Variants in OTOP2 observed in about 807,000 individuals in gnomAD.
OTOP2 encodes otopetrin 2.
Under a neutral mutation model 47.4 loss-of-function variants are expected in OTOP2, and 41 were observed. The ratio of observed to expected loss-of-function variants is 0.87; its 90% CI spans 0.67 to 1.12. The LOEUF is 1.12. OTOP2 is among the 50% of genes most tolerant of loss of function. OTOP2 has a pLI of 0.00. For missense variants in OTOP2, 721 were observed against 752.2 expected (o/e 0.96, Z 0.49); for synonymous variants, 328 against 319.6 (o/e 1.03, Z -0.28).
At position 74,930,772 on chromosome 17, in the gene OTOP2, G is replaced by C. The variant is rs756795074; in HGVS notation, c.1137G>C (p.Gln379His). 3 of 1,614,130 alleles carry C rather than the reference G, an allele frequency of 1.9e-6. No individual in the cohort carries two copies. The highest frequency in any genetic ancestry group is 1.7e-5 in the Admixed American group (1 of 60,024). Residue 379 changes from glutamine (Q) to histidine (H), a missense_variant, in exon 6 of 7, where the codon CAG (glutamine) becomes CAC (histidine). Physicochemically the swap from Gln to His is conservative, Grantham distance 24. Transcript: ENST00000331427. This position sits in a 1 kb window ranked among gnomAD's most constrained non-coding sequence, Gnocchi z 4.0. The stretch of plus-strand genomic sequence containing the variant: ...TGCTGATGGGTGCCGCCCTGGGTCA[G>C]TACGCCATCTCTTACTACTCCATCG... ...VALLMGAALGQYAISYYSIVA... is the reference protein window; with the variant it reads ...VALLMGAALGHYAISYYSIVA...
Position 74,933,449 on chromosome 17 carries a change from C to G in OTOP2, c.1593C>G (p.Ser531=). ...TGGAGGTGGATTTCTACGGCTACTC[C>G]CTCTGGGCGGTCATCGTCAACATCT... ...NTVEVDFYGY[S]LWAVIVNICL... is the part of the protein sequence containing the mutation. The change falls in exon 7 of 7, where the codon TCC becomes TCG. Residue 531 remains serine (S), a synonymous_variant. Coordinates refer to ENST00000331427, the MANE Select transcript of OTOP2 (RefSeq NM_178160.3). The surrounding 1 kb of genome is among the most constrained non-coding windows in gnomAD (Gnocchi z 4.7). 1 of 1,614,186 alleles carries G rather than the reference C, an allele frequency of 6.2e-7. No individual in the cohort carries two copies.
chr17:74,930,319 CAGCACG>C lies in OTOP2; in HGVS notation c.685_690del (p.Ser229_Thr230del). The C allele has an allele frequency of 1.2e-6, 2 of 1,614,054 alleles. No individual in the cohort carries two copies. Among genetic ancestry groups the C allele is most frequent in the Non-Finnish European group, 1.7e-6 (2 of 1,179,950 alleles). The stretch of plus-strand genomic sequence containing the variant: ...CGGTCGGAGGAGACTCCTGCCTCTG[CAGCACG>C]GCCGTCTGCCAGATCTTCCAGCAGG... On this transcript the variant is annotated inframe_deletion, in exon 6 of 7. Transcript: ENST00000331427. The surrounding 1 kb of genome is among the most constrained non-coding windows in gnomAD (Gnocchi z 4.0).
At chr17:74,928,693 A>G (rs1334160366) in intron 5 of OTOP2, among the ~76,000 whole-genome samples, 4 of 152,262 alleles carry the variant, frequency 2.6e-5, no homozygotes, top group Admixed American at 1.3e-4. Flanking sequence ...ACTAGCATTC[A>G]TATGCATCTT....
intron 6 of OTOP2, among the ~76,000 whole-genome samples, chr17:74,932,300 C>T (rs780552883): frequency 3.9e-5 from 6 of 151,924 alleles, no homozygotes; most frequent in African/African-American, 1.5e-4. Flanking sequence ...GAGCAAGAGC[C>T]CCAGAGTGAA....
rs537885758 is a variant in OTOP2, at chr17:74,931,059, G to A, written c.1424G>A (p.Arg475Gln). The A allele has an allele frequency of 1.2e-5, 20 of 1,614,080 alleles. No individual in the cohort carries two copies. In the South Asian group the frequency reaches 1.3e-4, roughly 11 times the overall value. Residue 475 changes from arginine to glutamine, a missense_variant, in exon 6 of 7, where the codon CGG becomes CAG. Coordinates refer to ENST00000331427, the MANE Select transcript of OTOP2 (RefSeq NM_178160.3). Reference sequence around the variant, plus strand: ...GTTAGCCCCAGCCCTTCAGACCAGCGGGAAGCAGTGGCCATCGTCTCAACC... The same window carrying A: ...GTTAGCCCCAGCCCTTCAGACCAGCAGGAAGCAGTGGCCATCGTCTCAACC... ...GLVSPSPSDQ[R>Q]EAVAIVSTPR...
chr17:74,924,741 G>T lies in OTOP2; in HGVS notation c.109G>T (p.Val37Leu). 1 of 1,608,698 alleles carries T rather than the reference G, an allele frequency of 6.2e-7. No homozygotes were observed. The highest frequency in any genetic ancestry group is 8.5e-7 in the Non-Finnish European group (1 of 1,178,150). Residue 37 changes from valine to leucine, a missense_variant, in exon 2 of 7, where the codon GTG (valine) becomes TTG (leucine). Val to Leu is a conservative substitution (Grantham distance 32). Transcript: ENST00000331427. The surrounding 1 kb of genome is among the most constrained non-coding windows in gnomAD (Gnocchi z 7.7). ...GGRLLSVLLA[V>L]NVLLLACTLI... ...CCGCCTGCTGTCGGTGCTGCTGGCGGTGAACGTGCTGCTCCTCGCCTGCAC... is the reference window on the plus strand; with the variant it reads ...CCGCCTGCTGTCGGTGCTGCTGGCGTTGAACGTGCTGCTCCTCGCCTGCAC...
At position 74,931,133 on chromosome 17, in the gene OTOP2, C is replaced by T. The variant is rs1436687711; in HGVS notation, c.1498C>T (p.Leu500Phe). Reference protein sequence around the residue: ...RQCLKDISLFLLLCNVILWIM... With the variant: ...RQCLKDISLFFLLCNVILWIM... The stretch of plus-strand genomic sequence containing the variant: ...GTGCCTAAAAGACATTTCTCTGTTT[C>T]TCCTACTCTGCAATGTCATTGTGAG... The change falls in exon 6 of 7, where the codon CTC becomes TTC. Residue 500 changes from leucine (L) to phenylalanine (F), a missense_variant. Coordinates refer to ENST00000331427, the MANE Select transcript of OTOP2 (RefSeq NM_178160.3). 3 of 1,603,144 alleles carry T rather than the reference C, an allele frequency of 1.9e-6. No homozygotes were observed. The African/African-American group carries it at 4.0e-5, about 21-fold the overall frequency.
chr17:74,926,210 C>T (rs1363162228), intron 3 of OTOP2, among the ~76,000 whole-genome samples: 3 of 152,190 alleles, frequency 2.0e-5, no homozygotes, highest in Non-Finnish European at 1.5e-5. Flanking sequence ...ATCAGAACAG[C>T]CCCCAGCCCT....
chr17:74,930,805 G>T lies in OTOP2; in HGVS notation c.1170G>T (p.Val390=), dbSNP rs1223967571. Residue 390 remains valine (V), a synonymous_variant, in exon 6 of 7, where the codon GTG becomes GTT. Transcript: ENST00000331427. This position sits in a 1 kb window ranked among gnomAD's most constrained non-coding sequence, Gnocchi z 4.0. ...TCTCTTACTACTCCATCGTGGCTGTGGTGGCGGGCACACCCCAGGACCTGC... is the reference window on the plus strand; with the variant it reads ...TCTCTTACTACTCCATCGTGGCTGTTGTGGCGGGCACACCCCAGGACCTGC... ...YAISYYSIVA[V]VAGTPQDLLA... 1 of 1,613,994 alleles carries T rather than the reference G, an allele frequency of 6.2e-7. No individual in the cohort carries two copies. Among genetic ancestry groups the T allele is most frequent in the African/African-American group, 1.3e-5 (1 of 74,890 alleles).
chr17:74,933,844 A>C lies in OTOP2; in HGVS notation c.*299A>C. The C allele has an allele frequency of 1.3e-5, 4 of 297,268 alleles. No homozygotes were observed. Among genetic ancestry groups the C allele is most frequent in the African/African-American group, 2.1e-5 (1 of 47,616 alleles). 18.4% of individuals were successfully genotyped at this position (297,268 alleles called of 1,614,324 possible). A position where few individuals can be genotyped will look rare whatever the true frequency, so the allele number is the denominator to read the frequency against. On this transcript the variant is annotated 3_prime_UTR_variant, in exon 7 of 7. Coordinates refer to ENST00000331427, the MANE Select transcript of OTOP2 (RefSeq NM_178160.3). This position sits in a 1 kb window ranked among gnomAD's most constrained non-coding sequence, Gnocchi z 4.7. ...GGTGCCGGCTCTGGTTCCATCTCTA[A>C]TCCCCTGCTGTGGCCTGGCCAGTGT... is the stretch of plus-strand genomic sequence containing the variant.
In OTOP2 at chr17:74,931,466, G is replaced by A. The variant is rs1168745348; in HGVS notation, c.1518+313G>A. 2.0e-5 allele frequency among the ~76,000 whole-genome samples: 3 copies of A among 152,182 alleles called. No individual in the cohort carries two copies. The East Asian group carries it at 5.8e-4, about 29-fold the overall frequency. ...GGAGCTGAGAGCTGATGTGGAAGGC[G>A]GGGTCCTCACCCCCCAGTGGGAGGT... On this transcript the variant is annotated intron_variant, in intron 6 of 6. Transcript: ENST00000331427.
rs774018387 is a variant in OTOP2 at position 74,925,665 on chromosome 17, C to T, written c.423C>T (p.Leu141=). 3 of 1,614,222 alleles carry T rather than the reference C, an allele frequency of 1.9e-6. No homozygotes were observed. Among genetic ancestry groups the T allele is most frequent in the Non-Finnish European group, 2.5e-6 (3 of 1,180,032 alleles). The change falls in exon 3 of 7, where the codon CTC becomes CTT. Residue 141 remains leucine, a synonymous_variant. Coordinates refer to ENST00000331427, the MANE Select transcript of OTOP2 (RefSeq NM_178160.3). ...CQSAIKILHP[L]IQAVFVIIQT... ...CAGCCATCAAGATCCTGCACCCCCT[C>T]ATCCAGGCTGTGTTTGTCATCATCC...
At position 74,933,517 on chromosome 17, in the gene OTOP2, G is replaced by T; in HGVS notation, c.1661G>T (p.Ser554Ile). Residue 554 changes from serine to isoleucine, a missense_variant, in exon 7 of 7, where the codon AGC (serine) becomes ATC (isoleucine). Ser to Ile is a moderately radical substitution (Grantham distance 142, BLOSUM62 -2). Coordinates refer to ENST00000331427, the MANE Select transcript of OTOP2 (RefSeq NM_178160.3). This position sits in a 1 kb window ranked among gnomAD's most constrained non-coding sequence, Gnocchi z 4.7. ...TTCTACCGCATGCACGCTGTGTCCA[G>T]CCTGCTGGAGGTCTACGTGCTGTCC... Reference protein sequence around the residue: ...GIFYRMHAVSSLLEVYVLS With the variant: ...GIFYRMHAVSILLEVYVLS 6.2e-7 allele frequency: 1 copy of T among 1,613,226 alleles called. No homozygotes were observed. The highest frequency in any genetic ancestry group is 8.5e-7 in the Non-Finnish European group (1 of 1,179,348).
chr17:74,931,086 C>A lies in OTOP2; in HGVS notation c.1451C>A (p.Pro484His). The A allele has an allele frequency of 6.2e-7, 1 of 1,614,010 alleles. No individual in the cohort carries two copies. Among genetic ancestry groups the A allele is most frequent in the Non-Finnish European group, 8.5e-7 (1 of 1,179,956 alleles). ...QREAVAIVST[P>H]RSQWRRQCLK... ...GAAGCAGTGGCCATCGTCTCAACCC[C>A]CAGAAGCCAGTGGAGACGCCAGTGC... Residue 484 changes from proline (P) to histidine (H), a missense_variant, in exon 6 of 7, where the codon CCC (proline) becomes CAC (histidine). Coordinates refer to ENST00000331427, the MANE Select transcript of OTOP2 (RefSeq NM_178160.3).
chr17:74,930,463 C>A lies in OTOP2; in HGVS notation c.828C>A (p.Ser276Arg). ...GRFLASTPGH[S>R]HTPTPVSLFR... ...TCCTGGCCTCCACCCCTGGCCACAG[C>A]CACACCCCAACCCCTGTCAGCCTCT... The change falls in exon 6 of 7, where the codon AGC becomes AGA. Residue 276 changes from serine to arginine, a missense_variant. Transcript: ENST00000331427. The surrounding 1 kb of genome is among the most constrained non-coding windows in gnomAD (Gnocchi z 4.0). The A allele has an allele frequency of 6.2e-7, 1 of 1,614,206 alleles. No homozygotes were observed. Among genetic ancestry groups the A allele is most frequent in the Non-Finnish European group, 8.5e-7 (1 of 1,180,016 alleles).
intron 3 of OTOP2, among the ~76,000 whole-genome samples, chr17:74,926,695 C>G (rs572313518): frequency 1.3e-5 from 2 of 152,006 alleles, no homozygotes; most frequent in African/African-American, 4.8e-5. Context: ...CTATTTTATA[C>G]AAACTGTGTC....
At position 74,933,832 on chromosome 17, in the gene OTOP2, G is replaced by A; in HGVS notation, c.*287G>A. The A allele has an allele frequency of 3.0e-6, 1 of 328,878 alleles. No individual in the cohort carries two copies. The highest frequency in any genetic ancestry group is 5.6e-6 in the Non-Finnish European group (1 of 177,214). 20.4% of individuals were successfully genotyped at this position (328,878 alleles called of 1,614,324 possible). ...ACAAGATCTGGAGGTGCCGGCTCTG[G>A]TTCCATCTCTAATCCCCTGCTGTGG... On this transcript the variant is annotated 3_prime_UTR_variant, in exon 7 of 7. Transcript: ENST00000331427. The surrounding 1 kb of genome is among the most constrained non-coding windows in gnomAD (Gnocchi z 4.7).
rs934017702 is a variant in OTOP2 at position 74,925,608 on chromosome 17, C to T, written c.366C>T (p.Thr122=). Residue 122 remains threonine, a synonymous_variant, in exon 3 of 7, where the codon ACC becomes ACT. Coordinates refer to ENST00000331427, the MANE Select transcript of OTOP2 (RefSeq NM_178160.3). ...ICTLIMDVFK[T]GYYSSFFECQ... is the part of the protein sequence containing the mutation. Reference sequence around the variant, plus strand: ...CCCTCATCATGGATGTCTTCAAGACCGGCTACTACTCCAGTTTCTTTGAGT... The same window carrying T: ...CCCTCATCATGGATGTCTTCAAGACTGGCTACTACTCCAGTTTCTTTGAGT... 45 of 1,614,018 alleles carry T rather than the reference C, an allele frequency of 2.8e-5. No individual in the cohort carries two copies. The highest frequency in any genetic ancestry group is 9.3e-5 in the African/African-American group (7 of 74,894).
intron 6 of OTOP2, among the ~76,000 whole-genome samples, chr17:74,932,383 C>T (rs928320136): frequency 3.3e-5 from 5 of 152,118 alleles, no homozygotes; most frequent in Non-Finnish European, 7.4e-5. Flanking sequence ...TAGTGAGGTC[C>T]CACTGTGAAG....
Sources: gnomAD v4.1 joint callset for allele counts (sites outside exome capture counted in the v4.1 genomes callset) on GRCh38, gnomAD v4.1.1 for gene constraint, Gnocchi (gnomAD v3.1) non-coding constraint, MANE v1.5 for transcripts, NCBI Gene and HGNC (gene_info 2026-07-23, HGNC 2026-07-21) for gene names.